RSF1: variants seen among roughly 807,000 people sequenced by gnomAD.
RSF1 encodes the protein HBV pX-associated protein 8.
Under a neutral mutation model 145.2 loss-of-function variants are expected in RSF1, and 13 were observed. The ratio of observed to expected loss-of-function variants is 0.09; its 90% CI spans 0.06 to 0.14. The LOEUF is 0.14. RSF1 is among the 10% of genes least tolerant of loss of function. The pLI is 1.00. For synonymous variants in RSF1, 577 were observed against 592.6 expected (o/e 0.97, Z 0.38); for missense variants, 1,517 against 1,718.2 (o/e 0.88, Z 2.07).
At chr11:77,678,201 T>A in intron 11 of RSF1, 48 bp from the exon 12 acceptor site, 1 of 1,068,344 alleles carries the variant, frequency 9.4e-7, no homozygotes, top group Non-Finnish European at 1.3e-6. Flanking sequence ...GGCTTTTTTT[T>A]TTTTTTTTTT....
the RSF1 span, among the ~76,000 whole-genome samples, chr11:77,846,633 G>A: frequency 3.9e-5 from 6 of 152,224 alleles, no homozygotes; most frequent in Non-Finnish European, 7.3e-5. Flanking sequence ...TTGAACCCGG[G>A]AGGTGGAGGT....
upstream of RSF1, among the ~76,000 whole-genome samples, chr11:77,825,846 T>C (rs1159182109): frequency 6.6e-6 from 1 of 152,010 alleles, no homozygotes; most frequent in Non-Finnish European, 1.5e-5. Flanking sequence ...CAAGTGCCAC[T>C]ACATCCGGCT....
rs541470050 is a variant in RSF1 at position 77,673,719 on chromosome 11, C to T, written c.3562+1317G>A. Among the ~76,000 whole-genome samples, 42 of 152,210 alleles carry T rather than the reference C, an allele frequency of 2.8e-4. 1 individual carries two copies. Among genetic ancestry groups the T allele is most frequent in the Non-Finnish European group, 1.8e-4 (12 of 67,996 alleles). ...ATATTTAAATAGTCTCAAATTCCCA[C>T]AAATTACTTATTAATTATAAGGAAA... On this transcript the variant is annotated intron_variant, in intron 14 of 15. Transcript: ENST00000308488.
the RSF1 span, among the ~76,000 whole-genome samples, chr11:77,836,022 C>T: frequency 6.6e-6 from 1 of 152,148 alleles, no homozygotes; most frequent in Non-Finnish European, 1.5e-5. Flanking sequence ...CATTTTCTCA[C>T]TTATTAGCTA....
At chr11:77,737,561 C>T (rs1000129870) in intron 4 of RSF1, among the ~76,000 whole-genome samples, 4 of 151,146 alleles carry the variant, frequency 2.6e-5, no homozygotes, top group Non-Finnish European at 4.4e-5. Flanking sequence ...GCCACATACA[C>T]CATTTTGTTT....
intron 13 of RSF1, among the ~76,000 whole-genome samples, chr11:77,676,216 C>T (rs1194498440): frequency 6.6e-6 from 1 of 152,152 alleles, no homozygotes; most frequent in Admixed American, 6.5e-5. Context: ...TTGGATTAAG[C>T]CAACTTTCCT....
chr11:77,676,818 G>C lies in RSF1; in HGVS notation c.3315C>G (p.Ser1105Arg). 6.2e-7 allele frequency: 1 copy of C among 1,613,802 alleles called. No homozygotes were observed. The highest frequency in any genetic ancestry group is 8.5e-7 in the Non-Finnish European group (1 of 1,179,846). The part of the protein sequence containing the change: ...DSDSNLDEEE[S>R]EDEFKISDGS... Reference sequence around the variant, plus strand: ...CATCACTGATCTTGAATTCATCCTCGCTCTCTTCTTCATCCAGGTTGCTAT... The same window carrying C: ...CATCACTGATCTTGAATTCATCCTCCCTCTCTTCTTCATCCAGGTTGCTAT... Residue 1105 changes from serine (S) to arginine (R), a missense_variant, in exon 13 of 16, where the codon AGC becomes AGG. This residue lies in a region of RSF1 where 231 missense variants were observed against 276.6 expected (regional missense o/e 0.84). Transcript: ENST00000308488.
chr11:77,793,329 T>A lies in RSF1; in HGVS notation c.187+27199A>T, dbSNP rs777756234. On this transcript the variant is annotated intron_variant, in intron 1 of 15. Coordinates refer to ENST00000308488, the MANE Select transcript of RSF1 (RefSeq NM_016578.4). ...CCCTCATCTCTACAAAAGAAAAAAA[T>A]TTAAAATTAGCCAGGCGTGGTGGCC... Among the ~76,000 whole-genome samples, 40 of 151,640 alleles carry A rather than the reference T, an allele frequency of 2.6e-4. 1 individual carries two copies. The highest frequency in any genetic ancestry group is 1.5e-4 in the Non-Finnish European group (10 of 67,890).
chr11:77,752,824 CGG>C (rs1948077788), intron 2 of RSF1, among the ~76,000 whole-genome samples: 1 of 152,000 alleles, frequency 6.6e-6, no homozygotes, highest in Non-Finnish European at 1.5e-5. Flanking sequence ...GATAGGAAGT[CGG>C]CACAAGATAA....
chr11:77,680,378 C>A (rs959483395), intron 11 of RSF1, among the ~76,000 whole-genome samples: 1 of 151,992 alleles, frequency 6.6e-6, no homozygotes, highest in Non-Finnish European at 1.5e-5. Flanking sequence ...AGTTCGAGGC[C>A]GCAGTGAGCT....
intron 11 of RSF1, among the ~76,000 whole-genome samples, chr11:77,681,786 CACACCATAATTT>C (rs1328535700): frequency 6.6e-6 from 1 of 152,166 alleles, no homozygotes. Flanking sequence ...CTTCTGCCAC[CACACCATAATTT>C]ACAAACTACA....
the RSF1 span, among the ~76,000 whole-genome samples, chr11:77,854,287 C>T: frequency 4.6e-5 from 7 of 152,084 alleles, no homozygotes; most frequent in East Asian, 1.9e-4. Context: ...CCACCGTGCC[C>T]GGCTATCCTC....
intron 11 of RSF1, among the ~76,000 whole-genome samples, chr11:77,679,518 C>T (rs1223906293): frequency 4.6e-5 from 7 of 151,778 alleles, no homozygotes; most frequent in African/African-American, 1.5e-4. Flanking sequence ...ATAAAGAATA[C>T]AAAAAATTAG....
At chr11:77,813,182 T>A in intron 1 of RSF1, 1 of 399,880 alleles carries the variant, frequency 2.5e-6, no homozygotes, top group Non-Finnish European at 4.6e-6. Context: ...ATTTATTTGA[T>A]AAGTATTTTT....
chr11:77,855,117 G>A, the RSF1 span, among the ~76,000 whole-genome samples: 2 of 152,308 alleles, frequency 1.3e-5, no homozygotes, highest in East Asian at 3.9e-4. Flanking sequence ...AGGCTGCACA[G>A]AGCAGTGAGG....
intron 9 of RSF1, among the ~76,000 whole-genome samples, chr11:77,690,109 C>G (rs1960111854): frequency 6.6e-6 from 1 of 150,940 alleles, no homozygotes; most frequent in Non-Finnish European, 1.5e-5. Context: ...TTGCCATGAG[C>G]CGAGACTGTG....
chr11:77,695,824 A>G (rs1257253092), intron 7 of RSF1, among the ~76,000 whole-genome samples: 1 of 152,206 alleles, frequency 6.6e-6, no homozygotes, highest in Non-Finnish European at 1.5e-5. Flanking sequence ...GTATACACAT[A>G]TATCTTTCTG....
At chr11:77,866,170 A>G in the RSF1 span, among the ~76,000 whole-genome samples, 1 of 152,262 alleles carries the variant, frequency 6.6e-6, no homozygotes, top group Non-Finnish European at 1.5e-5. Context: ...TAAAGTTAGC[A>G]TGAAATAGGG....
Position 77,759,907 on chromosome 11 carries a change from GTTATCTA to G in RSF1, c.279+4684_279+4690del, listed in dbSNP as rs570970003. ...CTGAGTTTATAATAAGCTGTCAAAT[GTTATCTA>G]TTATCATTATTATTAAAAAGTTATA... On this transcript the variant is annotated intron_variant, in intron 2 of 15. Transcript: ENST00000308488. Among the ~76,000 whole-genome samples the G allele has an allele frequency of 9.5e-5, 14 of 146,750 alleles. No homozygotes were observed. In the East Asian group the frequency reaches 2.7e-3, roughly 28 times the overall value.
Sources: gnomAD v4.1 joint callset for allele counts (sites outside exome capture counted in the v4.1 genomes callset) on GRCh38, gnomAD v4.1.1 for gene constraint, gnomAD v4.1.1 regional missense constraint, MANE v1.5 for transcripts, NCBI Gene and HGNC (gene_info 2026-07-23, HGNC 2026-07-21) for gene names.